AFF1: variants seen among roughly 807,000 people sequenced by gnomAD.
The protein encoded by AFF1 is ALF transcription elongation factor 1, also known as AF4/FMR2 family member 1.
Under a neutral mutation model 121.7 loss-of-function variants are expected in AFF1, and 48 were observed. The ratio of observed to expected loss-of-function variants is 0.39; its 90% CI spans 0.31 to 0.50. AFF1 has a LOEUF of 0.50. AFF1 is among the 20% of genes least tolerant of loss of function. AFF1 has a pLI of 0.76. For missense variants in AFF1, 1,523 were observed against 1,511.7 expected (o/e 1.01, Z -0.12); for synonymous variants, 613 against 563.0 (o/e 1.09, Z -1.26).
chr4:87,048,093 A>C (rs891171455), intron 4 of AFF1: 1 of 159,602 alleles, frequency 6.3e-6, no homozygotes, highest in African/African-American at 2.4e-5. Context: ...AAAAAGTAAA[A>C]ACAAGATGAC....
Position 86,944,674 on chromosome 4 carries a change from T to TA in AFF1, c.-36-3824_-36-3823insA, listed in dbSNP as rs779369686. ...TTATAGCTAGTTGCAAAGCAGGTCT[T>TA]TTACCAGCATGTGGTAAAGACTCTT... On this transcript the variant is annotated intron_variant, in intron 1 of 20. Transcript: ENST00000395146. 2.0e-3 allele frequency among the ~76,000 whole-genome samples: 302 copies of TA among 152,276 alleles called. 1 individual carries two copies. The highest frequency in any genetic ancestry group is 3.4e-3 in the Non-Finnish European group (232 of 68,024).
At chr4:87,031,324 G>A (rs919188146) in intron 2 of AFF1, among the ~76,000 whole-genome samples, 7 of 152,278 alleles carry the variant, frequency 4.6e-5, no homozygotes, top group African/African-American at 1.7e-4. Context: ...ATTCAGCTCA[G>A]ATGTCCCTGT....
intron 4 of AFF1, among the ~76,000 whole-genome samples, chr4:87,077,348 A>T (rs1445622802): frequency 6.6e-6 from 1 of 152,158 alleles, no homozygotes; most frequent in African/African-American, 2.4e-5. Context: ...GTGTGCCCAG[A>T]GCACCAAGGT....
chr4:87,061,028 C>G (rs568719860), intron 4 of AFF1, among the ~76,000 whole-genome samples: 291 of 152,196 alleles, frequency 1.9e-3, no homozygotes, highest in Non-Finnish European at 3.2e-3. Flanking sequence ...TTCTAGTGAA[C>G]TAGTTGCTAA....
chr4:86,988,166 A>G (rs1001951260), intron 2 of AFF1, among the ~76,000 whole-genome samples: 1 of 152,098 alleles, frequency 6.6e-6, no homozygotes, highest in South Asian at 2.1e-4. Flanking sequence ...AACATGTATC[A>G]TTTCTTTATG....
chr4:87,127,616 C>G, intron 15 of AFF1, 27 bp from the exon 16 acceptor site: 1 of 1,613,772 alleles, frequency 6.2e-7, no homozygotes, highest in South Asian at 1.1e-5. Context: ...CTCATATGAC[C>G]TGTCCCTGGT....
At chr4:86,967,641 A>ATT (rs752610488) in intron 2 of AFF1, among the ~76,000 whole-genome samples, 1 of 145,964 alleles carries the variant, frequency 6.9e-6, no homozygotes. Flanking sequence ...GCTCTGGATG[A>ATT]TTTTTTTTTT....
chr4:86,963,268 A>C (rs1376708812), intron 2 of AFF1, among the ~76,000 whole-genome samples: 1 of 152,030 alleles, frequency 6.6e-6, no homozygotes, highest in South Asian at 2.1e-4. Context: ...GTAAATAGAA[A>C]TCATATATTT....
At chr4:86,994,763 G>A (rs540057965) in intron 2 of AFF1, among the ~76,000 whole-genome samples, 5 of 152,290 alleles carry the variant, frequency 3.3e-5, no homozygotes, top group Admixed American at 2.6e-4. Context: ...TCTTCAGCTG[G>A]AGCAGAGGGA....
chr4:86,957,892 A>C (rs1004171167), intron 2 of AFF1, among the ~76,000 whole-genome samples: 7 of 151,964 alleles, frequency 4.6e-5, no homozygotes, highest in Non-Finnish European at 8.8e-5. Flanking sequence ...AAACAAACAA[A>C]CAACTATCCT....
rs1421860254 is a variant in AFF1 at position 87,127,654 on chromosome 4, A to G, written c.2915A>G (p.Asp972Gly). ...PQVKFDKQQA[D>G]LHMREAKKMK... Reference sequence around the variant, plus strand: ...TTCCTCTTTTTCAGACAACAAGCAGACCTTCACATGAGGGAGGCAAAAAAG... The same window carrying G: ...TTCCTCTTTTTCAGACAACAAGCAGGCCTTCACATGAGGGAGGCAAAAAAG... Residue 972 changes from aspartate (D) to glycine (G), a missense_variant, in exon 16 of 21, where the codon GAC (aspartate) becomes GGC (glycine). By Grantham distance (94) the Asp-to-Gly change is moderately conservative (BLOSUM62 -1). This residue lies in a region of AFF1 where 905 missense variants were observed against 842.5 expected (regional missense o/e 1.07). Transcript: ENST00000395146. 6.2e-7 allele frequency: 1 copy of G among 1,614,164 alleles called. No individual in the cohort carries two copies. The highest frequency in any genetic ancestry group is 8.5e-7 in the Non-Finnish European group (1 of 1,180,034).
At chr4:87,064,159 G>A (rs528994392) in intron 4 of AFF1, among the ~76,000 whole-genome samples, 5 of 152,272 alleles carry the variant, frequency 3.3e-5, no homozygotes, top group South Asian at 2.1e-4. Context: ...TTTGAGCCCC[G>A]TCACATTTGA....
chr4:87,064,560 G>GGT (rs1318613220), intron 4 of AFF1, among the ~76,000 whole-genome samples: 6 of 152,238 alleles, frequency 3.9e-5, no homozygotes, highest in Non-Finnish European at 7.4e-5. Context: ...TGGACAACAT[G>GGT]GTGAGACTGT....
chr4:87,126,770 GAGAA>G (rs1243525499), intron 14 of AFF1, among the ~76,000 whole-genome samples: 1 of 152,154 alleles, frequency 6.6e-6, no homozygotes, highest in Non-Finnish European at 1.5e-5. Context: ...GATTGACTAA[GAGAA>G]AGTGTTATGT....
intron 2 of AFF1, chr4:86,949,897 G>A (rs1721176325): frequency 1.9e-6 from 3 of 1,614,042 alleles, no homozygotes; most frequent in Non-Finnish European, 2.5e-6. Flanking sequence ...AGGGGTTCTT[G>A]GTGGGGTATG....
At chr4:87,095,341 A>ACTC (rs1724725964) in intron 8 of AFF1, among the ~76,000 whole-genome samples, 1 of 152,008 alleles carries the variant, frequency 6.6e-6, no homozygotes, top group Non-Finnish European at 1.5e-5. Flanking sequence ...CTAGTCTCGA[A>ACTC]CTCCTGACCT....
At chr4:86,937,480 ACT>A (rs919106725) in intron 1 of AFF1, among the ~76,000 whole-genome samples, 16 of 152,302 alleles carry the variant, frequency 1.1e-4, no homozygotes, top group African/African-American at 3.9e-4. Context: ...GGTGAAAGTT[ACT>A]TTTTTAATTG....
intron 15 of AFF1, 49 bp downstream of exon 15, chr4:87,127,166 T>TTGTTC (rs1553937307): frequency 3.7e-6 from 4 of 1,087,284 alleles, no homozygotes; most frequent in African/African-American, 1.8e-5. Flanking sequence ...TTGTTTTGCT[T>TTGTTC]CCCCCCCCCA....
chr4:87,077,127 AC>A (rs1722747613), intron 4 of AFF1, among the ~76,000 whole-genome samples: 1 of 152,266 alleles, frequency 6.6e-6, no homozygotes, highest in African/African-American at 2.4e-5. Flanking sequence ...TGTAAGTATG[AC>A]TAACAAAAAG....
Sources: allele counts gnomAD v4.1 joint callset (sites outside exome capture counted in the v4.1 genomes callset), GRCh38; gene constraint gnomAD v4.1.1; regional missense constraint gnomAD v4.1.1; transcripts MANE v1.5; gene names NCBI Gene and HGNC (gene_info 2026-07-23, HGNC 2026-07-21).